RTN1: variants seen among roughly 807,000 people sequenced by gnomAD.
RTN1 encodes reticulon-1.
RTN1 carries 25 observed loss-of-function variants against 65.5 expected under a neutral mutation model. The ratio of observed to expected loss-of-function variants is 0.38; its 90% CI spans 0.28 to 0.53. RTN1 has a LOEUF of 0.53. Among genes scored for constraint, RTN1 ranks in the 20% least tolerant of loss-of-function variants. RTN1 has a pLI of 0.79. For synonymous variants in RTN1, 471 were observed against 447.6 expected (o/e 1.05, Z -0.66); for missense variants, 983 against 1,025.4 (o/e 0.96, Z 0.57).
chr14:59,688,860 A>G (rs1454315601), intron 3 of RTN1, among the ~76,000 whole-genome samples: 1 of 152,208 alleles, frequency 6.6e-6, no homozygotes, highest in Non-Finnish European at 1.5e-5. Flanking sequence ...TAGAAACGCC[A>G]GCATTTCCAG....
chr14:59,718,995 CT>C (rs2139465409), intron 3 of RTN1, among the ~76,000 whole-genome samples: 1 of 152,330 alleles, frequency 6.6e-6, no homozygotes, highest in South Asian at 2.1e-4. Flanking sequence ...CATCTCATGC[CT>C]GCAAGAGCTT....
chr14:59,599,064 A>G (rs1291485655), intron 8 of RTN1, among the ~76,000 whole-genome samples: 2 of 152,188 alleles, frequency 1.3e-5, no homozygotes, highest in Non-Finnish European at 2.9e-5. Context: ...TACTCCTACT[A>G]ATAACAACTC....
At chr14:59,855,615 C>T (rs1004503057) in intron 1 of RTN1, among the ~76,000 whole-genome samples, 2 of 152,162 alleles carry the variant, frequency 1.3e-5, no homozygotes, top group Non-Finnish European at 2.9e-5. Context: ...AAGTTCATAT[C>T]CTACTGGTTC....
Position 59,607,393 on chromosome 14 carries a change from C to T in RTN1, c.1865G>A (p.Ser622Asn). 1 of 1,614,086 alleles carries T rather than the reference C, an allele frequency of 6.2e-7. No individual in the cohort carries two copies. Among genetic ancestry groups the T allele is most frequent in the Non-Finnish European group, 8.5e-7 (1 of 1,180,026 alleles). The change falls in exon 4 of 9, where the codon AGC becomes AAC. Residue 622 changes from serine to asparagine, a missense_variant. This residue lies in a region of RTN1 where 165 missense variants were observed against 223.6 expected (regional missense o/e 0.74). Coordinates refer to ENST00000267484, the MANE Select transcript of RTN1 (RefSeq NM_021136.3). ...GGCCAGGGCCAGGTAGGCCACGACG[C>T]TCACCACGCTGAACTGGGTCAGGGA... is the stretch of plus-strand genomic sequence containing the variant. ...LFSLTQFSVVSVVAYLALAAL... is the reference protein window; with the variant it reads ...LFSLTQFSVVNVVAYLALAAL...
chr14:59,845,271 T>C (rs1023572180), intron 1 of RTN1, among the ~76,000 whole-genome samples: 1 of 152,240 alleles, frequency 6.6e-6, no homozygotes, highest in Non-Finnish European at 1.5e-5. Context: ...GATTTTAATA[T>C]TAATACATTA....
Position 59,727,191 on chromosome 14 carries a change from A to G in RTN1, c.1493T>C (p.Ile498Thr). 6.3e-7 allele frequency: 1 copy of G among 1,586,362 alleles called. No individual in the cohort carries two copies. Among genetic ancestry groups the G allele is most frequent in the Non-Finnish European group, 8.6e-7 (1 of 1,166,434 alleles). The change falls in exon 3 of 9, where the codon ATC becomes ACC. Residue 498 changes from isoleucine to threonine, a missense_variant. Ile to Thr is a moderately conservative substitution (Grantham distance 89). Transcript: ENST00000267484. The surrounding 1 kb of genome is among the most constrained non-coding windows in gnomAD (Gnocchi z 4.2). ...PPMKPSALDA[I>T]REETGVRAEE... ...GGCCCGGACGCCAGTCTCCTCCCGGATGGCATCCAGGGCGCTGGGCTTCAT... is the reference window on the plus strand; with the variant it reads ...GGCCCGGACGCCAGTCTCCTCCCGGGTGGCATCCAGGGCGCTGGGCTTCAT...
rs375701999 is a variant in RTN1 at position 59,750,505 on chromosome 14, AAT to A, written c.242-4026_242-4025del. ...TCTATAATATATATATTATATCTAT[AAT>A]ATATATAATATATCTATAATATATA... On this transcript the variant is annotated intron_variant, in intron 1 of 8. Transcript: ENST00000267484. 5.3e-3 allele frequency among the ~76,000 whole-genome samples: 42 copies of A among 7,978 alleles called. No individual in the cohort carries two copies. In the African/African-American group the frequency reaches 0.056, roughly 11 times the overall value. 5.2% of individuals were successfully genotyped at this position (7,978 alleles called of 152,430 possible).
Position 59,727,130 on chromosome 14 carries a change from C to A in RTN1, c.1554G>T (p.Glu518Asp). 6.2e-7 allele frequency: 1 copy of A among 1,605,928 alleles called. No homozygotes were observed. Among genetic ancestry groups the A allele is most frequent in the Admixed American group, 1.7e-5 (1 of 58,940 alleles). ...AGGGGTAGTCGAGGAAGGAACCCGG[C>A]TCGGCCAGGCCCCGCCGGCTTGGCG... ...ERAPSRRGLAEPGSFLDYPST... is the reference protein window; with the variant it reads ...ERAPSRRGLADPGSFLDYPST... The change falls in exon 3 of 9, where the codon GAG becomes GAT. Residue 518 changes from glutamate to aspartate, a missense_variant. Around this residue, in one of 2 missense-constraint regions of RTN1, gnomAD observed 818 missense variants for 801.8 expected, o/e 1.02. Transcript: ENST00000267484. The surrounding 1 kb of genome is among the most constrained non-coding windows in gnomAD (Gnocchi z 4.2).
At position 59,607,509 on chromosome 14, in the gene RTN1, A is replaced by G; in HGVS notation, c.1766-17T>C. On this transcript the variant is annotated splice_polypyrimidine_tract_variant and intron_variant, in intron 3 of 8. Coordinates refer to ENST00000267484, the MANE Select transcript of RTN1 (RefSeq NM_021136.3). ...GGTCAATAGCTGCAGGAGACACCAA[A>G]CACACCCAGCTGAGCTCCCGCAGTG... 6.3e-7 allele frequency: 1 copy of G among 1,587,546 alleles called. No homozygotes were observed. Among genetic ancestry groups the G allele is most frequent in the Non-Finnish European group, 8.6e-7 (1 of 1,166,498 alleles).
intron 1 of RTN1, among the ~76,000 whole-genome samples, chr14:59,863,460 T>C (rs1403997499): frequency 2.0e-5 from 3 of 152,216 alleles, no homozygotes; most frequent in Non-Finnish European, 4.4e-5. Context: ...ACGGAATCAA[T>C]CATTCTATTC....
At chr14:59,714,977 A>G (rs1884503852) in intron 3 of RTN1, among the ~76,000 whole-genome samples, 1 of 152,196 alleles carries the variant, frequency 6.6e-6, no homozygotes, top group African/African-American at 2.4e-5. Context: ...CAAGGGATCT[A>G]GGCTGTATGC....
chr14:59,796,338 A>G (rs750064999), intron 1 of RTN1, among the ~76,000 whole-genome samples: 11 of 152,094 alleles, frequency 7.2e-5, no homozygotes, highest in Non-Finnish European at 1.5e-4. Context: ...TTGCCTAATG[A>G]CCTAATCTCA....
chr14:59,825,755 T>G lies in RTN1; in HGVS notation c.241+44635A>C, dbSNP rs767907183. Among the ~76,000 whole-genome samples, 2 of 152,222 alleles carry G rather than the reference T, an allele frequency of 1.3e-5. No homozygotes were observed. The highest frequency in any genetic ancestry group is 1.5e-5 in the Non-Finnish European group (1 of 68,044). ...CTCAGTGCCCCATCTTACTCTCCAT[T>G]TTAGAGAAAATAAAACATAGACCTC... is the stretch of plus-strand genomic sequence containing the variant. On this transcript the variant is annotated intron_variant, in intron 1 of 8. Coordinates refer to ENST00000267484, the MANE Select transcript of RTN1 (RefSeq NM_021136.3). This position sits in a 1 kb window ranked among gnomAD's most constrained non-coding sequence, Gnocchi z 4.2.
chr14:59,605,606 G>A (rs1881717904), intron 4 of RTN1, 100 bp from the exon 5 acceptor site: 1 of 1,311,948 alleles, frequency 7.6e-7, no homozygotes, highest in Admixed American at 1.8e-5. Context: ...CTCACTCTGA[G>A]GGTGAGAGCA....
chr14:59,746,135 GTAT>G lies in RTN1; in HGVS notation c.585_587del (p.Lys195_Tyr196delinsAsn). On this transcript the variant is annotated inframe_deletion, in exon 2 of 9. Transcript: ENST00000267484. ...CCTCCTCGGGTCTGGTTATGTCAATGTATTTATAGGCCTCTGCTTTCATCTGGT... is the reference window on the plus strand; with the variant it reads ...CCTCCTCGGGTCTGGTTATGTCAATGTTATAGGCCTCTGCTTTCATCTGGT... The G allele has an allele frequency of 6.2e-7, 1 of 1,609,064 alleles. No individual in the cohort carries two copies. Among genetic ancestry groups the G allele is most frequent in the East Asian group, 2.2e-5 (1 of 44,866 alleles).
rs192231215 is a variant in RTN1 at position 59,717,590 on chromosome 14, C to T, written c.1765+9329G>A. Among the ~76,000 whole-genome samples, 72 of 152,216 alleles carry T rather than the reference C, an allele frequency of 4.7e-4. No homozygotes were observed. The South Asian group carries it at 8.7e-3, about 18-fold the overall frequency. ...GTGTCGCCACCATATACTGTTGGGG[C>T]CTTTGTTCTAGTGGCATTGTGGGGT... is the stretch of plus-strand genomic sequence containing the variant. On this transcript the variant is annotated intron_variant, in intron 3 of 8. Coordinates refer to ENST00000267484, the MANE Select transcript of RTN1 (RefSeq NM_021136.3).
intron 1 of RTN1, among the ~76,000 whole-genome samples, chr14:59,752,308 A>C (rs1302460543): frequency 6.6e-6 from 1 of 152,102 alleles, no homozygotes; most frequent in Non-Finnish European, 1.5e-5. Flanking sequence ...CACTTCCTAC[A>C]TAGCCATCTT....
chr14:59,739,792 C>A (rs1366331354), intron 2 of RTN1, among the ~76,000 whole-genome samples: 1 of 152,156 alleles, frequency 6.6e-6, no homozygotes, highest in Non-Finnish European at 1.5e-5. Flanking sequence ...AACAGGGGAA[C>A]AATGAGCTTG....
At chr14:59,776,546 G>A (rs925747211) in intron 1 of RTN1, among the ~76,000 whole-genome samples, 8 of 152,120 alleles carry the variant, frequency 5.3e-5, no homozygotes, top group African/African-American at 1.7e-4. Flanking sequence ...ATAGCAACAT[G>A]AAATGGGCTA....
Sources: allele counts gnomAD v4.1 joint callset (sites outside exome capture counted in the v4.1 genomes callset), GRCh38; gene constraint gnomAD v4.1.1; regional missense constraint gnomAD v4.1.1; non-coding constraint Gnocchi (gnomAD v3.1); transcripts MANE v1.5; gene names NCBI Gene and HGNC (gene_info 2026-07-23, HGNC 2026-07-21).